MDFIC2: variants seen among roughly 807,000 people sequenced by gnomAD.
MDFIC2 encodes MyoD family inhibitor domain containing 2.
At chr3:70,275,155 A>G (rs1295757878) in intron 2 of MDFIC2, among the ~76,000 whole-genome samples, 3 of 152,174 alleles carry the variant, frequency 2.0e-5, no homozygotes. Flanking sequence ...TAGAATTTTA[A>G]CTTATAAAAA....
intron 2 of MDFIC2, among the ~76,000 whole-genome samples, chr3:70,272,574 G>A (rs1701985355): frequency 6.6e-6 from 1 of 152,146 alleles, no homozygotes; most frequent in African/African-American, 2.4e-5. Context: ...TTCCCGTACA[G>A]GTCTTTACGT....
At chr3:70,231,796 A>G (rs1016045693) in intron 2 of MDFIC2, among the ~76,000 whole-genome samples, 24 of 152,180 alleles carry the variant, frequency 1.6e-4, no homozygotes, top group African/African-American at 5.8e-4. Context: ...ATTAGGTGGC[A>G]ATGAAATTAC....
rs146769962 is a variant in MDFIC2, at chr3:70,299,661, C to T, written c.88+12225G>A. Among the ~76,000 whole-genome samples the T allele has an allele frequency of 1.2e-3, 190 of 152,238 alleles. 1 individual carries two copies. The highest frequency in any genetic ancestry group is 4.4e-3 in the African/African-American group (184 of 41,548). ...CTCAAATTCGGAATTCATGCCTTCT[C>T]ATTTGTGGATGCAACAAGCTTCTAA... On this transcript the variant is annotated intron_variant, in intron 2 of 3. Transcript: ENST00000567252.
intron 2 of MDFIC2, among the ~76,000 whole-genome samples, chr3:70,264,843 C>G (rs1701901025): frequency 6.6e-6 from 1 of 152,096 alleles, no homozygotes; most frequent in African/African-American, 2.4e-5. Flanking sequence ...TTAGTCTGTT[C>G]TCACACTGCT....
chr3:70,287,943 C>T (rs1702185055), intron 2 of MDFIC2, among the ~76,000 whole-genome samples: 1 of 152,116 alleles, frequency 6.6e-6, no homozygotes, highest in Non-Finnish European at 1.5e-5. Context: ...TTTGATTCTT[C>T]TCTCTTTTTT....
intron 2 of MDFIC2, among the ~76,000 whole-genome samples, chr3:70,230,505 T>C (rs1314636624): frequency 1.3e-5 from 2 of 152,140 alleles, no homozygotes; most frequent in Admixed American, 1.3e-4. Flanking sequence ...GAATCATATA[T>C]ATATATATAC....
At chr3:70,273,277 C>T (rs78227480) in intron 2 of MDFIC2, among the ~76,000 whole-genome samples, 2 of 152,228 alleles carry the variant, frequency 1.3e-5, no homozygotes, top group East Asian at 1.9e-4. Flanking sequence ...AAATCTTAGT[C>T]GACTCAACAA....
chr3:70,201,998 C>G (rs1326296232), intron 3 of MDFIC2, among the ~76,000 whole-genome samples: 3 of 152,180 alleles, frequency 2.0e-5, no homozygotes, highest in Admixed American at 2.0e-4. Context: ...TTTTATCTCT[C>G]TCTGAATGTA....
chr3:70,265,536 C>G (rs1290232524), intron 2 of MDFIC2, among the ~76,000 whole-genome samples: 1 of 151,942 alleles, frequency 6.6e-6, no homozygotes, highest in African/African-American at 2.4e-5. Context: ...GCGAACCTTC[C>G]CAGCCATCTC....
chr3:70,237,116 A>C (rs1252373551), intron 2 of MDFIC2, among the ~76,000 whole-genome samples: 1 of 152,144 alleles, frequency 6.6e-6, no homozygotes, highest in Non-Finnish European at 1.5e-5. Context: ...GATCTTTTGC[A>C]TTCATTCTCG....
chr3:70,275,321 C>A (rs1452891475), intron 2 of MDFIC2, among the ~76,000 whole-genome samples: 1 of 151,942 alleles, frequency 6.6e-6, no homozygotes, highest in Non-Finnish European at 1.5e-5. Flanking sequence ...CCAGCCCAGG[C>A]AACATAGTAA....
intron 2 of MDFIC2, among the ~76,000 whole-genome samples, chr3:70,263,975 G>A (rs374781481): frequency 1.3e-5 from 2 of 152,274 alleles, no homozygotes; most frequent in East Asian, 1.9e-4. Flanking sequence ...GCAGAAGGAT[G>A]ATTCAGGCTC....
intron 2 of MDFIC2, among the ~76,000 whole-genome samples, chr3:70,292,481 G>A (rs1017475444): frequency 1.3e-5 from 2 of 152,016 alleles, no homozygotes; most frequent in Non-Finnish European, 2.9e-5. Context: ...GGAAACAATC[G>A]TAAAGATGAA....
chr3:70,241,718 C>T (rs756454549), intron 2 of MDFIC2, among the ~76,000 whole-genome samples: 2 of 152,106 alleles, frequency 1.3e-5, no homozygotes, highest in Non-Finnish European at 2.9e-5. Flanking sequence ...CTAAACATTG[C>T]GGCTACTAAG....
chr3:70,258,435 G>A (rs1415177868), intron 2 of MDFIC2, among the ~76,000 whole-genome samples: 4 of 152,254 alleles, frequency 2.6e-5, no homozygotes, highest in South Asian at 2.1e-4. Flanking sequence ...TACAGAGAGA[G>A]AGAGAGAGAT....
intron 2 of MDFIC2, among the ~76,000 whole-genome samples, chr3:70,303,289 G>A (rs1415193642): frequency 6.6e-6 from 1 of 152,112 alleles, no homozygotes; most frequent in African/African-American, 2.4e-5. Flanking sequence ...ATTGTGTGTA[G>A]CATTATGGTG....
intron 2 of MDFIC2, among the ~76,000 whole-genome samples, chr3:70,271,272 A>T (rs6549320): frequency 0.98 from 148,925 of 152,134 alleles, 72,940 homozygotes; most frequent in Non-Finnish European, 1. Flanking sequence ...TAGGCAGGTA[A>T]GTAAATCATG....
intron 2 of MDFIC2, among the ~76,000 whole-genome samples, chr3:70,295,587 T>C (rs778161645): frequency 5.9e-5 from 9 of 152,046 alleles, no homozygotes; most frequent in Admixed American, 1.3e-4. Flanking sequence ...CCTGTAGTCC[T>C]ATTCCTAAGT....
intron 2 of MDFIC2, among the ~76,000 whole-genome samples, chr3:70,277,678 C>T (rs915864217): frequency 6.6e-6 from 1 of 152,132 alleles, no homozygotes; most frequent in African/African-American, 2.4e-5. Flanking sequence ...GGGAGGATCT[C>T]ACCACCTCCC....
Sources: allele counts gnomAD v4.1 joint callset (sites outside exome capture counted in the v4.1 genomes callset), GRCh38; gene constraint gnomAD v4.1.1; transcripts MANE v1.5; gene names NCBI Gene and HGNC (gene_info 2026-07-23, HGNC 2026-07-21).